OSBPL10: variants seen among roughly 807,000 people sequenced by gnomAD.
The protein encoded by OSBPL10 is oxysterol binding protein like 10.
In OSBPL10, 49 loss-of-function variants were observed where a neutral mutation model predicts 81.7. The ratio of observed to expected loss-of-function variants is 0.60; its 90% CI spans 0.48 to 0.76. The LOEUF is 0.76. OSBPL10 is among the 30% of genes least tolerant of loss of function. The probability of loss-of-function intolerance (pLI) is 0.00; values close to 1 mark genes in which losing one functional copy is unlikely to be tolerated. For synonymous variants in OSBPL10, 419 were observed against 383.6 expected (o/e 1.09, Z -1.08); for missense variants, 923 against 987.8 (o/e 0.93, Z 0.88).
At chr3:32,040,260 G>A (rs1699561545) in intron 2 of OSBPL10, among the ~76,000 whole-genome samples, 1 of 151,906 alleles carries the variant, frequency 6.6e-6, no homozygotes, top group South Asian at 2.1e-4. Context: ...TACAAAAAAT[G>A]GCTGGGTGTG....
intron 2 of OSBPL10, among the ~76,000 whole-genome samples, chr3:32,028,720 G>T (rs1699438619): frequency 6.6e-6 from 1 of 151,958 alleles, no homozygotes; most frequent in Non-Finnish European, 1.5e-5. Flanking sequence ...ATTTTAACTT[G>T]TTTGGTATCC....
intron 3 of OSBPL10, among the ~76,000 whole-genome samples, chr3:31,833,597 T>C (rs1700297402): frequency 2.0e-5 from 3 of 152,048 alleles, no homozygotes; most frequent in Admixed American, 6.6e-5. Flanking sequence ...TCACTGACCT[T>C]CTTATTTTCT....
intron 3 of OSBPL10, among the ~76,000 whole-genome samples, chr3:31,874,467 A>T (rs1701401469): frequency 6.6e-6 from 1 of 152,194 alleles, no homozygotes; most frequent in East Asian, 1.9e-4. Context: ...TATCAACAGT[A>T]CAAATGACAG....
At chr3:31,812,598 T>C (rs1473580264) in intron 4 of OSBPL10, among the ~76,000 whole-genome samples, 1 of 151,934 alleles carries the variant, frequency 6.6e-6, no homozygotes. Flanking sequence ...ATAACATGCT[T>C]TACTGTGATG....
At chr3:31,906,035 G>C (rs1007479994) in intron 1 of OSBPL10, among the ~76,000 whole-genome samples, 2 of 152,046 alleles carry the variant, frequency 1.3e-5, no homozygotes, top group Non-Finnish European at 2.9e-5. Context: ...AGTGTCTCCT[G>C]CTAAGTTTCT....
intron 8 of OSBPL10, among the ~76,000 whole-genome samples, chr3:31,677,957 T>A (rs1405203551): frequency 6.6e-6 from 1 of 150,824 alleles, no homozygotes; most frequent in Non-Finnish European, 1.5e-5. Context: ...GGCGGGCGCC[T>A]GTAGTCCCAG....
intron 2 of OSBPL10, chr3:31,990,377 A>G: frequency 6.2e-7 from 1 of 1,614,098 alleles, no homozygotes; most frequent in Middle Eastern, 1.7e-4. Context: ...AAATGTGGCA[A>G]ATTTTTTAGA....
chr3:32,030,556 G>A, intron 2 of OSBPL10: 3 of 778,378 alleles, frequency 3.9e-6, no homozygotes, highest in Non-Finnish European at 7.1e-6. Flanking sequence ...AGAAGCCAAA[G>A]ACAAACGTAC....
intron 4 of OSBPL10, among the ~76,000 whole-genome samples, chr3:31,757,246 A>G (rs1697914991): frequency 6.6e-6 from 1 of 152,220 alleles, no homozygotes; most frequent in Non-Finnish European, 1.5e-5. Context: ...AAAGGGAATC[A>G]AGATAAATAA....
chr3:31,741,214 ATT>A lies in OSBPL10; in HGVS notation c.940+6694_940+6695del, dbSNP rs375879357. 1.3e-3 allele frequency among the ~76,000 whole-genome samples: 201 copies of A among 152,342 alleles called. 1 individual carries two copies. In the Middle Eastern group the frequency reaches 0.014, roughly 10 times the overall value. ...AAAGATTGAATTTTCACTTGAAACC[ATT>A]TAAGACATATTCCCAGTGGAAAGCC... On this transcript the variant is annotated intron_variant, in intron 5 of 11. Transcript: ENST00000396556.
intron 11 of OSBPL10, chr3:31,663,397 C>T (rs1449247063): frequency 7.1e-6 from 7 of 986,570 alleles, no homozygotes; most frequent in East Asian, 1.1e-4. Flanking sequence ...TGCTTTAAGA[C>T]GTGTGGCTCC....
At chr3:31,800,622 A>T (rs1699355488) in intron 4 of OSBPL10, among the ~76,000 whole-genome samples, 1 of 152,284 alleles carries the variant, frequency 6.6e-6, no homozygotes, top group South Asian at 2.1e-4. Flanking sequence ...TATACGAATA[A>T]ACAATCACCA....
rs776687802 is a variant in OSBPL10 at position 31,809,867 on chromosome 3, C to CTT, written c.729+20172_729+20173insAA. Among the ~76,000 whole-genome samples, 27 of 83,452 alleles carry CTT rather than the reference C, an allele frequency of 3.2e-4. No individual in the cohort carries two copies. The South Asian group carries it at 7.2e-3, about 22-fold the overall frequency. 54.7% of individuals were successfully genotyped at this position (83,452 alleles called of 152,430 possible). On this transcript the variant is annotated intron_variant, in intron 4 of 11. Coordinates refer to ENST00000396556, the MANE Select transcript of OSBPL10 (RefSeq NM_017784.5). The stretch of plus-strand genomic sequence containing the variant: ...GAAAATGTCAATGGGTGCCCCCTGA[C>CTT]TCTTTTTTTTTTTTTTTTTTTGAGA...
chr3:31,758,106 G>T (rs1697937352), intron 4 of OSBPL10, among the ~76,000 whole-genome samples: 2 of 152,078 alleles, frequency 1.3e-5, no homozygotes, highest in Admixed American at 6.6e-5. Context: ...ACTTTTCCTG[G>T]ATACCTCCCC....
intron 4 of OSBPL10, among the ~76,000 whole-genome samples, chr3:31,764,990 C>T (rs151065343): frequency 8.3e-4 from 127 of 152,202 alleles, no homozygotes; most frequent in Middle Eastern, 3.4e-3. Context: ...CCATAAAACA[C>T]ATCATGGTTG....
intron 1 of OSBPL10, among the ~76,000 whole-genome samples, chr3:31,913,849 C>T (rs969497150): frequency 6.6e-6 from 1 of 152,210 alleles, no homozygotes; most frequent in Non-Finnish European, 1.5e-5. Flanking sequence ...GGAGAACTCT[C>T]ATATTCTCGG....
In OSBPL10 at chr3:32,011,599, T is replaced by C. The variant is rs1699261060; in HGVS notation, n.298+34892A>G. On this transcript the variant is annotated intron_variant and non_coding_transcript_variant, in intron 2 of 3. Transcript: ENST00000479173. ...GAACAAAGCTGGACGGAGAATGACTTTGACAAGTTGAGAGAAGAAGGCTTC... is the reference window on the plus strand; with the variant it reads ...GAACAAAGCTGGACGGAGAATGACTCTGACAAGTTGAGAGAAGAAGGCTTC... Among the ~76,000 whole-genome samples, 3 of 152,172 alleles carry C rather than the reference T, an allele frequency of 2.0e-5. No individual in the cohort carries two copies. In the South Asian group the frequency reaches 6.2e-4, roughly 31 times the overall value.
At chr3:32,028,971 C>G (rs900055709) in intron 2 of OSBPL10, among the ~76,000 whole-genome samples, 8 of 149,060 alleles carry the variant, frequency 5.4e-5, no homozygotes, top group Admixed American at 2.0e-4. Flanking sequence ...CACACACACA[C>G]ACACACACAC....
intron 4 of OSBPL10, among the ~76,000 whole-genome samples, chr3:31,800,026 T>A (rs1699341284): frequency 6.6e-6 from 1 of 152,124 alleles, no homozygotes; most frequent in Non-Finnish European, 1.5e-5. Flanking sequence ...CATTTTTAAA[T>A]AACCTCTGCC....
Sources: gnomAD v4.1 joint callset for allele counts (sites outside exome capture counted in the v4.1 genomes callset) on GRCh38, gnomAD v4.1.1 for gene constraint, MANE v1.5 for transcripts, NCBI Gene and HGNC (gene_info 2026-07-23, HGNC 2026-07-21) for gene names.